EIF3L: variants seen among roughly 807,000 people sequenced by gnomAD.
EIF3L encodes eIEF associated protein HSPC021.
In EIF3L, 32 loss-of-function variants were observed where a neutral mutation model predicts 74.6. That is an observed-to-expected ratio of 0.43 (90% CI 0.32 to 0.58). The LOEUF (loss-of-function observed/expected upper bound fraction) is 0.58, where lower values mean the gene tolerates loss of function less well. Among genes scored for constraint, EIF3L ranks in the 20% least tolerant of loss-of-function variants. EIF3L has a pLI of 0.06. For missense variants in EIF3L, 474 were observed against 707.8 expected, an observed-to-expected ratio of 0.67 and a Z score of 3.75; for synonymous variants, 256 against 254.4, an observed-to-expected ratio of 1.01 and a Z score of -0.06.
At chr22:37,871,638 C>T (rs1173392463) in intron 8 of EIF3L, among the ~76,000 whole-genome samples, 3 of 152,080 alleles carry the variant, frequency 2.0e-5, no homozygotes, top group Non-Finnish European at 2.9e-5. Context: ...GAGGCTGAGG[C>T]GGGCAGATCA....
At chr22:37,873,236 G>A (rs1051322129) in intron 8 of EIF3L, among the ~76,000 whole-genome samples, 3 of 151,390 alleles carry the variant, frequency 2.0e-5, no homozygotes, top group African/African-American at 4.9e-5. Flanking sequence ...TGATACGTCC[G>A]CCTCGGCCTC....
intron 7 of EIF3L, among the ~76,000 whole-genome samples, chr22:37,868,452 ATTC>A (rs1926284032): frequency 6.8e-6 from 1 of 147,814 alleles, no homozygotes; most frequent in Non-Finnish European, 1.5e-5. Flanking sequence ...TATTCTGGAT[ATTC>A]TTTTTTTTTC....
At chr22:37,871,595 C>T (rs915882869) in intron 8 of EIF3L, among the ~76,000 whole-genome samples, 7 of 152,156 alleles carry the variant, frequency 4.6e-5, no homozygotes, top group Non-Finnish European at 1.0e-4. Flanking sequence ...GGGCCGGGTG[C>T]CATGGCTCAC....
intron 5 of EIF3L, among the ~76,000 whole-genome samples, chr22:37,860,684 T>C (rs1322972926): frequency 1.3e-5 from 2 of 152,156 alleles, no homozygotes; most frequent in Admixed American, 1.3e-4. Flanking sequence ...TCAGCATACT[T>C]CTTGAATCAG....
At position 37,868,634 on chromosome 22, in the gene EIF3L, C is replaced by CTTTTTTTTTTTTTTTTTTTTTTT. The variant is rs71195065; in HGVS notation, c.580-1539_580-1517dup. On this transcript the variant is annotated intron_variant, in intron 7 of 12. Transcript: ENST00000652021. The stretch of plus-strand genomic sequence containing the variant: ...ACACCTGGCTATTTTTGTTTTGGTG[C>CTTTTTTTTTTTTTTTTTTTTTTT]TTTTTTTTTTTTTTTTTTTTTTTTT... Among the ~76,000 whole-genome samples the CTTTTTTTTTTTTTTTTTTTTTTT allele has an allele frequency of 2.8e-4, 7 of 25,130 alleles. 1 individual carries two copies. The highest frequency in any genetic ancestry group is 1.5e-3 in the South Asian group (1 of 664). The allele number at this position is 25,130 out of a possible 152,430, so 16.5% of individuals were successfully genotyped here.
chr22:37,860,762 C>A (rs968316873), intron 5 of EIF3L, among the ~76,000 whole-genome samples: 5 of 152,198 alleles, frequency 3.3e-5, no homozygotes, highest in African/African-American at 1.2e-4. Context: ...TGAATTACTG[C>A]AGGAGCTGCT....
chr22:37,859,678 G>A (rs1176206472), intron 5 of EIF3L, among the ~76,000 whole-genome samples: 2 of 149,938 alleles, frequency 1.3e-5, no homozygotes, highest in Non-Finnish European at 3.0e-5. Flanking sequence ...CACCACGCCC[G>A]GCCTAGAGTG....
intron 1 of EIF3L, 23 bp downstream of exon 1, chr22:37,849,505 G>GTGGGCTCCACGACGGGGTGATCTC: frequency 1.3e-6 from 2 of 1,580,228 alleles, no homozygotes; most frequent in Non-Finnish European, 1.7e-6. Flanking sequence ...TAAGGGCGCG[G>GTGGGCTCCACGACGGGGTGATCTC]TGGGCTCCAC....
At position 37,874,506 on chromosome 22, in the gene EIF3L, C is replaced by T. The variant is rs1213907388; in HGVS notation, c.888C>T (p.Asn296=). The T allele has an allele frequency of 2.5e-6, 4 of 1,614,092 alleles. No individual in the cohort carries two copies. Among genetic ancestry groups the T allele is most frequent in the Non-Finnish European group, 3.4e-6 (4 of 1,179,978 alleles). ...DYYQAIKVLE[N]IELNKKSMYS... ...ACCAGGCCATCAAGGTGCTGGAGAA[C>T]ATCGAACTGAACAAGAAGGTGATGC... is the stretch of plus-strand genomic sequence containing the variant. Residue 296 remains asparagine (N), a synonymous_variant, in exon 9 of 13, where the codon AAC becomes AAT. Transcript: ENST00000652021.
intron 11 of EIF3L, 166 bp from the exon 12 acceptor site, chr22:37,886,595 TAGAA>T: frequency 2.2e-6 from 1 of 450,786 alleles, no homozygotes; most frequent in East Asian, 4.4e-5. Context: ...AAAAACTCTC[TAGAA>T]AGAGTGAGTT....
rs1044483746 is a variant in EIF3L, at chr22:37,889,119, G to C, written c.*655G>C. On this transcript the variant is annotated 3_prime_UTR_variant, in exon 13 of 13. Coordinates refer to ENST00000652021, the MANE Select transcript of EIF3L (RefSeq NM_016091.4). Reference sequence around the variant, plus strand: ...GGTTGGAGTGTACTGGCGCGATCTCGGCTCACTGCAAGCTCCACCTCCCAG... The same window carrying C: ...GGTTGGAGTGTACTGGCGCGATCTCCGCTCACTGCAAGCTCCACCTCCCAG... The C allele has an allele frequency of 6.6e-6, 1 of 151,870 alleles. No individual in the cohort carries two copies. The highest frequency in any genetic ancestry group is 1.5e-5 in the Non-Finnish European group (1 of 68,000). The allele number at this position is 151,870 out of a possible 1,614,324, so 9.4% of individuals were successfully genotyped here. A position where few individuals can be genotyped will look rare whatever the true frequency, so the allele number is the denominator to read the frequency against.
rs1001776970 is a variant in EIF3L at position 37,886,671 on chromosome 22, A to G, written c.1576-94A>G. On this transcript the variant is annotated intron_variant, in intron 11 of 12. Transcript: ENST00000652021. Reference sequence around the variant, plus strand: ...CCCACCTTTACATCTAACACTCACCATCATTATCACTTGCAAGTCCATGGT... The same window carrying G: ...CCCACCTTTACATCTAACACTCACCGTCATTATCACTTGCAAGTCCATGGT... 15 of 1,015,844 alleles carry G rather than the reference A, an allele frequency of 1.5e-5. No individual in the cohort carries two copies. The South Asian group carries it at 1.7e-4, about 11-fold the overall frequency. The allele number at this position is 1,015,844 out of a possible 1,614,324, so 62.9% of individuals were successfully genotyped here.
intron 11 of EIF3L, chr22:37,882,192 A>G (rs1265023954): frequency 6.6e-6 from 1 of 152,096 alleles, no homozygotes; most frequent in Non-Finnish European, 1.5e-5. Flanking sequence ...CTGTAATCCC[A>G]GTAACTTGGG....
intron 11 of EIF3L, chr22:37,880,345 C>T: frequency 6.6e-6 from 1 of 152,146 alleles, no homozygotes; most frequent in Non-Finnish European, 1.5e-5. Flanking sequence ...AATCTCCTGA[C>T]CTCGTGATCC....
chr22:37,880,535 G>C (rs1349981724), intron 11 of EIF3L: 1 of 152,194 alleles, frequency 6.6e-6, no homozygotes, highest in African/African-American at 2.4e-5. Flanking sequence ...CTCCCAAGTA[G>C]CTGAGATTAC....
At position 37,875,865 on chromosome 22, in the gene EIF3L, T is replaced by C. The variant is rs554941299; in HGVS notation, c.931T>C (p.Cys311Arg). The C allele has an allele frequency of 1.2e-6, 2 of 1,613,852 alleles. No individual in the cohort carries two copies. The highest frequency in any genetic ancestry group is 1.7e-5 in the Admixed American group (1 of 59,956). Residue 311 changes from cysteine (C) to arginine (R), a missense_variant, in exon 10 of 13, where the codon TGC (cysteine) becomes CGC (arginine). Physicochemically the swap from Cys to Arg is radical, Grantham distance 180. This residue lies in a region of EIF3L where 293 missense variants were observed against 469.1 expected (regional missense o/e 0.62). Coordinates refer to ENST00000652021, the MANE Select transcript of EIF3L (RefSeq NM_016091.4). ...GAGTATGTATTCCCGTGTGCCAGAG[T>C]GCCAGGTCACCACATACTATTATGT... ...KKSMYSRVPE[C>R]QVTTYYYVGF...
intron 2 of EIF3L, 45 bp from the exon 3 acceptor site, chr22:37,851,235 A>C (rs201143097): frequency 5.1e-6 from 8 of 1,559,928 alleles, no homozygotes; most frequent in Non-Finnish European, 6.2e-6. Flanking sequence ...TCTATCATAT[A>C]TGTGGGTTTG....
chr22:37,856,700 C>T (rs890671608), intron 4 of EIF3L, among the ~76,000 whole-genome samples: 5 of 151,912 alleles, frequency 3.3e-5, no homozygotes, highest in East Asian at 1.9e-4. Context: ...CAAAATCAGC[C>T]GGGCATGGTG....
chr22:37,873,923 A>G (rs1050333599), intron 8 of EIF3L, among the ~76,000 whole-genome samples: 7 of 152,282 alleles, frequency 4.6e-5, no homozygotes, highest in Middle Eastern at 3.4e-3. Flanking sequence ...TACTGGTACA[A>G]TTTTGTGTCG....
Sources: allele counts gnomAD v4.1 joint callset (sites outside exome capture counted in the v4.1 genomes callset), GRCh38; gene constraint gnomAD v4.1.1; regional missense constraint gnomAD v4.1.1; transcripts MANE v1.5; gene names NCBI Gene and HGNC (gene_info 2026-07-23, HGNC 2026-07-21).